The following FSTL5 variants were observed in gnomAD, a reference collection of about 807,000 sequenced individuals.
FSTL5 encodes follistatin like 5, also known as follistatin-related protein 5.
A neutral mutation model predicts 89.1 loss-of-function variants in FSTL5; 62 were observed. That is an observed-to-expected ratio of 0.70 (90% CI 0.57 to 0.86). FSTL5 has a LOEUF of 0.86. Ranked by LOEUF, FSTL5 falls within the 40% of genes least tolerant of loss-of-function variation. The pLI, the probability that FSTL5 is intolerant of heterozygous loss-of-function variation, is 0.00. For synonymous variants in FSTL5, 383 were observed against 346.2 expected, an observed-to-expected ratio of 1.11 and a Z score of -1.18; for missense variants, 1,057 against 1,001.6, an observed-to-expected ratio of 1.06 and a Z score of -0.75.
intron 7 of FSTL5, among the ~76,000 whole-genome samples, chr4:161,626,738 C>T (rs1205145260): frequency 6.6e-6 from 1 of 152,158 alleles, no homozygotes; most frequent in Non-Finnish European, 1.5e-5. Context: ...AAGGATTCAC[C>T]ATTCTTGATG....
chr4:161,925,869 C>A (rs1234427117), intron 3 of FSTL5, among the ~76,000 whole-genome samples: 1 of 151,694 alleles, frequency 6.6e-6, no homozygotes, highest in Non-Finnish European at 1.5e-5. Context: ...TTAAAATTTT[C>A]ATGGACTTTC....
intron 1 of FSTL5, among the ~76,000 whole-genome samples, chr4:162,146,197 T>C (rs1360310158): frequency 6.6e-6 from 1 of 152,166 alleles, no homozygotes; most frequent in African/African-American, 2.4e-5. Flanking sequence ...GAGATATCTA[T>C]GTAAATATAA....
chr4:161,846,518 ACATGAG>A (rs1175148086), intron 4 of FSTL5, among the ~76,000 whole-genome samples: 4 of 152,186 alleles, frequency 2.6e-5, no homozygotes, highest in African/African-American at 9.6e-5. Context: ...CTATATGTTT[ACATGAG>A]AAAATACTAT....
At chr4:161,615,432 G>C (rs1410420303) in intron 7 of FSTL5, among the ~76,000 whole-genome samples, 2 of 139,878 alleles carry the variant, frequency 1.4e-5, no homozygotes, top group East Asian at 4.1e-4. Context: ...GTGACAGGGC[G>C]AGACTCCATC....
At chr4:161,985,247 T>C (rs1258770446) in intron 3 of FSTL5, among the ~76,000 whole-genome samples, 1 of 152,052 alleles carries the variant, frequency 6.6e-6, no homozygotes, top group Non-Finnish European at 1.5e-5. Flanking sequence ...CATTATAAAA[T>C]TAAAAAAAGT....
chr4:162,143,552 T>C (rs920620599), intron 1 of FSTL5, among the ~76,000 whole-genome samples: 3 of 152,104 alleles, frequency 2.0e-5, no homozygotes, highest in African/African-American at 7.2e-5. Context: ...CCAAAGCATA[T>C]TATTTTCTGT....
At chr4:161,547,818 T>C (rs1223240800) in intron 8 of FSTL5, among the ~76,000 whole-genome samples, 2 of 151,912 alleles carry the variant, frequency 1.3e-5, no homozygotes, top group African/African-American at 4.8e-5. Flanking sequence ...CAAAAGATTC[T>C]TTAGATGAAT....
At chr4:162,120,013 G>T (rs541025267) in intron 1 of FSTL5, among the ~76,000 whole-genome samples, 1 of 151,948 alleles carries the variant, frequency 6.6e-6, no homozygotes, top group African/African-American at 2.4e-5. Flanking sequence ...TAAATAAAAA[G>T]AATTAAGACC....
At chr4:161,601,523 TG>T (rs1008356244) in intron 7 of FSTL5, among the ~76,000 whole-genome samples, 1 of 152,046 alleles carries the variant, frequency 6.6e-6, no homozygotes, top group Non-Finnish European at 1.5e-5. Flanking sequence ...TACCTAAGGT[TG>T]ATACTGAATG....
chr4:161,894,631 G>C (rs1438960349), intron 4 of FSTL5, among the ~76,000 whole-genome samples: 1 of 152,040 alleles, frequency 6.6e-6, no homozygotes, highest in Non-Finnish European at 1.5e-5. Flanking sequence ...GGCATGTGCT[G>C]CCATGCCTGG....
At chr4:162,008,169 G>T (rs564172645) in intron 3 of FSTL5, among the ~76,000 whole-genome samples, 2 of 151,900 alleles carry the variant, frequency 1.3e-5, no homozygotes, top group African/African-American at 4.8e-5. Flanking sequence ...TAAACTGTTT[G>T]CCCAGATTAA....
chr4:161,834,987 A>G (rs999346982), intron 4 of FSTL5, among the ~76,000 whole-genome samples: 8 of 146,396 alleles, frequency 5.5e-5, no homozygotes, highest in Admixed American at 4.1e-4. Context: ...AAGAGCCTGC[A>G]TCGCCAAGTC....
intron 3 of FSTL5, among the ~76,000 whole-genome samples, chr4:162,004,652 T>A (rs1279428712): frequency 2.0e-5 from 3 of 152,202 alleles, no homozygotes; most frequent in Non-Finnish European, 4.4e-5. Context: ...ATCTTTGCTT[T>A]CTTTCCCAGA....
chr4:161,524,274 T>A (rs1731132738), intron 10 of FSTL5, among the ~76,000 whole-genome samples: 1 of 152,122 alleles, frequency 6.6e-6, no homozygotes, highest in African/African-American at 2.4e-5. Context: ...ACCACAACTT[T>A]GAATTGTCCT....
intron 7 of FSTL5, among the ~76,000 whole-genome samples, chr4:161,635,923 C>A (rs570603802): frequency 6.6e-6 from 1 of 152,120 alleles, no homozygotes; most frequent in Non-Finnish European, 1.5e-5. Context: ...TCTAATACAA[C>A]TTTGATTTCA....
At chr4:162,065,150 C>A (rs1738852227) in intron 2 of FSTL5, among the ~76,000 whole-genome samples, 1 of 151,846 alleles carries the variant, frequency 6.6e-6, no homozygotes, top group South Asian at 2.1e-4. Flanking sequence ...CTATAAAACT[C>A]CTAGAAAAAC....
chr4:161,809,021 A>G (rs1447764960), intron 4 of FSTL5, among the ~76,000 whole-genome samples: 2 of 152,192 alleles, frequency 1.3e-5, no homozygotes, highest in Non-Finnish European at 2.9e-5. Flanking sequence ...GATCGAGACC[A>G]TCCTGGCTAA....
intron 8 of FSTL5, among the ~76,000 whole-genome samples, chr4:161,546,735 C>T (rs1732020915): frequency 6.6e-6 from 1 of 151,892 alleles, no homozygotes; most frequent in Non-Finnish European, 1.5e-5. Flanking sequence ...AACTTTTAAT[C>T]AAAGAAAACT....
intron 3 of FSTL5, among the ~76,000 whole-genome samples, chr4:161,998,237 T>A (rs1002722293): frequency 1.3e-5 from 2 of 152,178 alleles, no homozygotes; most frequent in African/African-American, 4.8e-5. Flanking sequence ...ACTTTCTTTG[T>A]TTCTTTTTTT....
Sources: allele counts gnomAD v4.1 joint callset (sites outside exome capture counted in the v4.1 genomes callset), GRCh38; gene constraint gnomAD v4.1.1; transcripts MANE v1.5; gene names NCBI Gene and HGNC (gene_info 2026-07-23, HGNC 2026-07-21).